Variants in BNC2 observed in about 807,000 individuals in gnomAD.
BNC2 encodes the protein zinc finger protein basonuclin-2.
Under a neutral mutation model 76.3 loss-of-function variants are expected in BNC2, and 20 were observed. That is an observed-to-expected ratio of 0.26 (90% CI 0.18 to 0.38). BNC2 has a LOEUF of 0.38. Ranked by LOEUF, BNC2 falls within the 10% of genes least tolerant of loss-of-function variation. The pLI, the probability that BNC2 is intolerant of heterozygous loss-of-function variation, is 1.00. For missense variants in BNC2, 1,382 were observed against 1,399.8 expected (o/e 0.99, Z 0.20); for synonymous variants, 582 against 514.8 (o/e 1.13, Z -1.77).
At chr9:16,610,219 G>A (rs1820505382) in intron 3 of BNC2, among the ~76,000 whole-genome samples, 1 of 152,142 alleles carries the variant, frequency 6.6e-6, no homozygotes, top group Non-Finnish European at 1.5e-5. Flanking sequence ...CGCAACTGAA[G>A]GAGGATTGCT....
chr9:16,749,532 G>A (rs1377224914), intron 1 of BNC2, among the ~76,000 whole-genome samples: 3 of 151,830 alleles, frequency 2.0e-5, no homozygotes, highest in African/African-American at 4.8e-5. Flanking sequence ...AGATCCCATC[G>A]CTACAAAAAA....
chr9:16,665,743 G>T (rs1373815659), intron 3 of BNC2, among the ~76,000 whole-genome samples: 1 of 152,098 alleles, frequency 6.6e-6, no homozygotes, highest in Non-Finnish European at 1.5e-5. Flanking sequence ...GAACTGCACG[G>T]ATCTAGGCAC....
At chr9:16,809,560 A>G (rs960689810) in intron 1 of BNC2, among the ~76,000 whole-genome samples, 1 of 152,116 alleles carries the variant, frequency 6.6e-6, no homozygotes, top group Non-Finnish European at 1.5e-5. Flanking sequence ...TTCCCTTCCT[A>G]AAAACTCAAT....
intron 3 of BNC2, among the ~76,000 whole-genome samples, chr9:16,669,892 G>C (rs1822423735): frequency 6.6e-6 from 1 of 152,080 alleles, no homozygotes; most frequent in Admixed American, 6.5e-5. Context: ...ACTTTGATGT[G>C]GTTTCATCTC....
At chr9:16,750,376 T>G (rs1825152599) in intron 1 of BNC2, among the ~76,000 whole-genome samples, 1 of 152,250 alleles carries the variant, frequency 6.6e-6, no homozygotes, top group South Asian at 2.1e-4. Flanking sequence ...CATCTACTAC[T>G]GACTGGCATC....
At chr9:16,474,045 G>A (rs1821880885) in intron 5 of BNC2, among the ~76,000 whole-genome samples, 1 of 151,992 alleles carries the variant, frequency 6.6e-6, no homozygotes, top group South Asian at 2.1e-4. Context: ...CAAATTCTCT[G>A]GGTCTTTGAT....
At chr9:16,651,301 AAAAC>A (rs1490872687) in intron 3 of BNC2, among the ~76,000 whole-genome samples, 1 of 152,210 alleles carries the variant, frequency 6.6e-6, no homozygotes, top group Non-Finnish European at 1.5e-5. Context: ...CAGTAAAAGA[AAAAC>A]AAGTAACTTA....
At chr9:16,766,229 T>C (rs925993402) in intron 1 of BNC2, among the ~76,000 whole-genome samples, 1 of 152,364 alleles carries the variant, frequency 6.6e-6, no homozygotes, top group Middle Eastern at 3.4e-3. Flanking sequence ...TAGTTTTTCC[T>C]GTGTGATATA....
intron 1 of BNC2, among the ~76,000 whole-genome samples, chr9:16,848,116 T>C (rs1819032935): frequency 1.3e-5 from 2 of 152,214 alleles, no homozygotes; most frequent in South Asian, 4.1e-4. Flanking sequence ...AAATGCTGCC[T>C]TTTCCCTTAG....
chr9:16,581,421 G>A (rs1167407348), intron 4 of BNC2, among the ~76,000 whole-genome samples: 1 of 152,286 alleles, frequency 6.6e-6, no homozygotes, highest in South Asian at 2.1e-4. Context: ...AGCTGGGTGT[G>A]GTGGCGCATG....
chr9:16,652,864 T>C (rs1198818847), intron 3 of BNC2, among the ~76,000 whole-genome samples: 5 of 152,070 alleles, frequency 3.3e-5, no homozygotes, highest in Admixed American at 3.3e-4. Flanking sequence ...AAACACCTTC[T>C]ACTTGGAGGC....
chr9:16,574,615 T>C (rs1394349779), intron 4 of BNC2, among the ~76,000 whole-genome samples: 1 of 152,196 alleles, frequency 6.6e-6, no homozygotes. Context: ...AACTGCATAC[T>C]GAAGAAAACC....
chr9:16,828,184 C>T (rs1189564696), intron 1 of BNC2, among the ~76,000 whole-genome samples: 2 of 152,078 alleles, frequency 1.3e-5, no homozygotes, highest in East Asian at 1.9e-4. Flanking sequence ...AATGGAGTAG[C>T]TTAATCAAAT....
intron 1 of BNC2, among the ~76,000 whole-genome samples, chr9:16,751,198 T>TA (rs894056059): frequency 1.3e-4 from 19 of 146,448 alleles, no homozygotes; most frequent in African/African-American, 4.3e-4. Context: ...AACTGTGAAA[T>TA]AAAAAAAACT....
intron 1 of BNC2, 121 bp downstream of exon 1, chr9:16,870,525 C>A (rs1819656242): frequency 8.7e-7 from 1 of 1,148,082 alleles, no homozygotes; most frequent in South Asian, 1.4e-5. Context: ...CGCCCCTTGC[C>A]CCTCACGCCG....
intron 3 of BNC2, among the ~76,000 whole-genome samples, chr9:16,645,387 C>T (rs1415603918): frequency 6.6e-6 from 1 of 152,176 alleles, no homozygotes; most frequent in East Asian, 1.9e-4. Flanking sequence ...GAAAAGAATT[C>T]AATGCAGTTA....
chr9:16,707,453 T>A (rs1823712649), intron 3 of BNC2, among the ~76,000 whole-genome samples: 1 of 152,130 alleles, frequency 6.6e-6, no homozygotes, highest in South Asian at 2.1e-4. Flanking sequence ...CACCAAAGTA[T>A]CTTGGACCAA....
Position 16,493,117 on chromosome 9 carries a change from G to A in BNC2, c.670-55593C>T, listed in dbSNP as rs4961720. On this transcript the variant is annotated intron_variant, in intron 5 of 6. Coordinates refer to ENST00000380672, the MANE Select transcript of BNC2 (RefSeq NM_017637.6). ...AATGATTAAGCCACTTTGTTTTCACGTAAGTCCTATTTCGAAGAAATAAAG... is the reference window on the plus strand; with the variant it reads ...AATGATTAAGCCACTTTGTTTTCACATAAGTCCTATTTCGAAGAAATAAAG... Among the ~76,000 whole-genome samples the A allele has an allele frequency of 0.021, 3,245 of 152,084 alleles. 267 individuals are homozygous for A. The East Asian group carries it at 0.31, about 14-fold the overall frequency.
chr9:16,431,191 GAC>G (rs1820901271), intron 6 of BNC2, among the ~76,000 whole-genome samples: 1 of 152,150 alleles, frequency 6.6e-6, no homozygotes, highest in African/African-American at 2.4e-5. Context: ...CAATCATTAA[GAC>G]AAATATAAAT....
Sources: gnomAD v4.1 joint callset for allele counts (sites outside exome capture counted in the v4.1 genomes callset) on GRCh38, gnomAD v4.1.1 for gene constraint, MANE v1.5 for transcripts, NCBI Gene and HGNC (gene_info 2026-07-23, HGNC 2026-07-21) for gene names.